ZNF704: variants seen among roughly 807,000 people sequenced by gnomAD.
ZNF704 encodes the protein zinc finger protein 704.
A neutral mutation model predicts 44.7 loss-of-function variants in ZNF704; 10 were observed. The ratio of observed to expected loss-of-function variants is 0.22; its 90% CI spans 0.14 to 0.38. The LOEUF (loss-of-function observed/expected upper bound fraction) is 0.38, where lower values mean the gene tolerates loss of function less well. ZNF704 is among the 10% of genes least tolerant of loss of function. The pLI is 1.00. For missense variants in ZNF704, 390 were observed against 545.5 expected (o/e 0.71, Z 2.84); for synonymous variants, 211 against 207.6 (o/e 1.02, Z -0.14).
chr8:80,781,950 G>C (rs1263922497), intron 2 of ZNF704, among the ~76,000 whole-genome samples: 3 of 152,194 alleles, frequency 2.0e-5, no homozygotes. Context: ...CTAATGTATA[G>C]GAATAGTCCT....
chr8:80,651,695 T>G (rs1299893258), intron 7 of ZNF704, among the ~76,000 whole-genome samples: 1 of 152,138 alleles, frequency 6.6e-6, no homozygotes, highest in African/African-American at 2.4e-5. Context: ...CAAAGAGACT[T>G]AGACTCCCAC....
chr8:80,731,017 C>T (rs542631135), intron 2 of ZNF704, among the ~76,000 whole-genome samples: 6 of 152,202 alleles, frequency 3.9e-5, no homozygotes, highest in South Asian at 2.1e-4. Context: ...AGGAACCACC[C>T]GTCTAAGAGA....
At chr8:80,673,725 A>C (rs549390826) in intron 4 of ZNF704, among the ~76,000 whole-genome samples, 1 of 152,358 alleles carries the variant, frequency 6.6e-6, no homozygotes, top group East Asian at 1.9e-4. Context: ...TGAAAATGGT[A>C]CTTGGGAGCT....
intron 2 of ZNF704, among the ~76,000 whole-genome samples, chr8:80,749,050 G>A (rs750601153): frequency 5.3e-5 from 8 of 152,168 alleles, no homozygotes; most frequent in Admixed American, 3.3e-4. Context: ...TGAGTGAGGT[G>A]TGATGTGAGT....
chr8:80,688,089 T>G (rs1177726357), intron 3 of ZNF704, among the ~76,000 whole-genome samples: 1 of 152,006 alleles, frequency 6.6e-6, no homozygotes, highest in Non-Finnish European at 1.5e-5. Context: ...GCACCTATAG[T>G]CCCAGCTACT....
chr8:80,857,843 A>T (rs1336509472), intron 1 of ZNF704, among the ~76,000 whole-genome samples: 2 of 152,178 alleles, frequency 1.3e-5, no homozygotes, highest in Non-Finnish European at 2.9e-5. Context: ...CATTCTCATC[A>T]GGAGTTTTCT....
chr8:80,700,675 T>C lies in ZNF704; in HGVS notation c.222-7568A>G, dbSNP rs934715819. Among the ~76,000 whole-genome samples the C allele has an allele frequency of 3.3e-5, 5 of 152,112 alleles. No homozygotes were observed. In the East Asian group the frequency reaches 5.8e-4, roughly 18 times the overall value. ...ACAACCCCTTCCTCAAAAGTGTGAG[T>C]TGGGGGTGATTAGATGAAGTAAGAT... On this transcript the variant is annotated intron_variant, in intron 2 of 8. Coordinates refer to ENST00000327835, the MANE Select transcript of ZNF704 (RefSeq NM_001033723.3).
At chr8:80,822,185 T>C (rs1297961003) in intron 1 of ZNF704, among the ~76,000 whole-genome samples, 1 of 152,194 alleles carries the variant, frequency 6.6e-6, no homozygotes, top group African/African-American at 2.4e-5. Context: ...GTTTGTTACA[T>C]ATGTATACAT....
rs190779019 is a variant in ZNF704 at position 80,819,280 on chromosome 8, G to A, written c.221+2094C>T. ...TACATTCAGTGAACCATAAAAGGTG[G>A]AAAATATCCTACATACCAGAGTCAG... On this transcript the variant is annotated intron_variant, in intron 2 of 8. Coordinates refer to ENST00000327835, the MANE Select transcript of ZNF704 (RefSeq NM_001033723.3). 2.7e-3 allele frequency among the ~76,000 whole-genome samples: 416 copies of A among 152,206 alleles called. 6 individuals carry two copies. Among genetic ancestry groups the A allele is most frequent in the Admixed American group, 0.025 (387 of 15,286 alleles).
In ZNF704 at chr8:80,668,206, G is replaced by T. The variant is rs1471868797; in HGVS notation, c.659+2297C>A. Among the ~76,000 whole-genome samples the T allele has an allele frequency of 2.6e-5, 4 of 152,344 alleles. No individual in the cohort carries two copies. In the East Asian group the frequency reaches 7.7e-4, roughly 29 times the overall value. On this transcript the variant is annotated intron_variant, in intron 5 of 8. Transcript: ENST00000327835. ...TCTCTAGAAACCTGGCTTTGGGGATGGCTGGGCAGAGGCCACGGGTGTCCC... is the reference window on the plus strand; with the variant it reads ...TCTCTAGAAACCTGGCTTTGGGGATTGCTGGGCAGAGGCCACGGGTGTCCC...
At chr8:80,811,209 C>T (rs1279969296) in intron 2 of ZNF704, among the ~76,000 whole-genome samples, 1 of 151,100 alleles carries the variant, frequency 6.6e-6, no homozygotes, top group African/African-American at 2.4e-5. Context: ...TAAGATTGAG[C>T]ATGCAAAAAA....
chr8:80,773,186 C>A lies in ZNF704; in HGVS notation c.221+48188G>T, dbSNP rs529806827. Among the ~76,000 whole-genome samples the A allele has an allele frequency of 2.0e-5, 3 of 152,270 alleles. No individual in the cohort carries two copies. The South Asian group carries it at 6.2e-4, about 32-fold the overall frequency. On this transcript the variant is annotated intron_variant, in intron 2 of 8. Coordinates refer to ENST00000327835, the MANE Select transcript of ZNF704 (RefSeq NM_001033723.3). ...CCCATGGTATGGACTGTTTGTTTCA[C>A]TGTTTTTTATTTCTGTTTTCTTTTC...
At chr8:80,688,078 T>C (rs1472899601) in intron 3 of ZNF704, among the ~76,000 whole-genome samples, 1 of 152,014 alleles carries the variant, frequency 6.6e-6, no homozygotes, top group Non-Finnish European at 1.5e-5. Flanking sequence ...CGTGGTGGCA[T>C]GCACCTATAG....
intron 5 of ZNF704, 107 bp downstream of exon 5, chr8:80,670,396 C>A (rs1284923254): frequency 5.2e-6 from 4 of 772,074 alleles, no homozygotes; most frequent in Admixed American, 4.3e-5. Flanking sequence ...CCAAGCCAGC[C>A]CAGTGTCCAG....
intron 1 of ZNF704, among the ~76,000 whole-genome samples, chr8:80,866,139 C>G (rs1252617951): frequency 1.3e-5 from 2 of 152,152 alleles, no homozygotes; most frequent in Non-Finnish European, 2.9e-5. Context: ...ACAGAATCTT[C>G]TTCATATGGA....
intron 2 of ZNF704, among the ~76,000 whole-genome samples, chr8:80,805,143 C>T (rs1807968609): frequency 1.3e-5 from 2 of 152,110 alleles, no homozygotes; most frequent in African/African-American, 4.8e-5. Context: ...CATCAACAGG[C>T]CAATTAGTTG....
chr8:80,655,098 A>G (rs970761433), intron 7 of ZNF704, among the ~76,000 whole-genome samples: 1 of 152,000 alleles, frequency 6.6e-6, no homozygotes, highest in Non-Finnish European at 1.5e-5. Context: ...AAGACAAAAA[A>G]CCAAACGCTG....
chr8:80,653,859 CA>C (rs1295050306), intron 7 of ZNF704, among the ~76,000 whole-genome samples: 8 of 152,104 alleles, frequency 5.3e-5, no homozygotes, highest in African/African-American at 1.7e-4. Flanking sequence ...CATATGGAAC[CA>C]AAAAAGAGCC....
chr8:80,858,017 A>G (rs2130026638), intron 1 of ZNF704, among the ~76,000 whole-genome samples: 1 of 152,150 alleles, frequency 6.6e-6, no homozygotes, highest in African/African-American at 2.4e-5. Flanking sequence ...TTCCCATTTC[A>G]TCCAAGTTTT....
Sources: gnomAD v4.1 joint callset for allele counts (sites outside exome capture counted in the v4.1 genomes callset) on GRCh38, gnomAD v4.1.1 for gene constraint, MANE v1.5 for transcripts, NCBI Gene and HGNC (gene_info 2026-07-23, HGNC 2026-07-21) for gene names.